Variants in PCDHGA6 observed in about 807,000 individuals in gnomAD.
PCDHGA6 encodes protocadherin gamma subfamily A, 6.
In PCDHGA6, 41 loss-of-function variants were observed where a neutral mutation model predicts 60.6. That is an observed-to-expected ratio of 0.68 (90% confidence interval 0.53 to 0.88). PCDHGA6 has a LOEUF of 0.88. PCDHGA6 is among the 40% of genes least tolerant of loss of function. PCDHGA6 has a pLI of 0.00. For missense variants in PCDHGA6, 1,312 were observed against 1,203.0 expected, an observed-to-expected ratio of 1.09 and a Z score of -1.34; for synonymous variants, 594 against 524.4, an observed-to-expected ratio of 1.13 and a Z score of -1.81.
intron 1 of PCDHGA6, chr5:141,415,367 CT>C (rs2095859649): frequency 6.2e-7 from 1 of 1,614,118 alleles, no homozygotes; most frequent in African/African-American, 1.3e-5. Flanking sequence ...CTGCTGCAGG[CT>C]TCAGGAGGCG....
intron 1 of PCDHGA6, among the ~76,000 whole-genome samples, chr5:141,435,715 A>T (rs528951395): frequency 5.9e-5 from 9 of 152,210 alleles, no homozygotes; most frequent in Non-Finnish European, 1.0e-4. Context: ...ACAGACACTG[A>T]ATGCTAAAGT....
intron 1 of PCDHGA6, chr5:141,427,959 C>A: frequency 1.3e-6 from 2 of 1,588,886 alleles, no homozygotes; most frequent in Non-Finnish European, 1.7e-6. Flanking sequence ...CAATGTGCCG[C>A]GGGTGCTGTA....
intron 1 of PCDHGA6, chr5:141,414,687 T>G: frequency 1.2e-6 from 2 of 1,614,004 alleles, no homozygotes; most frequent in East Asian, 4.5e-5. Flanking sequence ...AGGGGGTACC[T>G]CTGTCCTCAT....
Position 141,489,897 on chromosome 5 carries a change from C to G in PCDHGA6, c.2425-4910C>G. ...TGCTTACTGCTGTGGATGGGGGGAC[C>G]CCAGCCCGCTCAGGGACCACCCTTA... is the stretch of plus-strand genomic sequence containing the variant. On this transcript the variant is annotated intron_variant, in intron 1 of 3. Transcript: ENST00000517434. This position sits in a 1 kb window ranked among gnomAD's most constrained non-coding sequence, Gnocchi z 4.5. 1 of 1,614,162 alleles carries G rather than the reference C, an allele frequency of 6.2e-7. No individual in the cohort carries two copies. Among genetic ancestry groups the G allele is most frequent in the Non-Finnish European group, 8.5e-7 (1 of 1,180,016 alleles).
At chr5:141,484,620 C>G (rs536622819) in intron 1 of PCDHGA6, among the ~76,000 whole-genome samples, 25 of 151,974 alleles carry the variant, frequency 1.6e-4, no homozygotes, top group African/African-American at 6.0e-4. Flanking sequence ...ACAACACTGG[C>G]TTGAACAAAG....
chr5:141,476,306 C>T lies in PCDHGA6; in HGVS notation c.2425-18501C>T, dbSNP rs1011265476. The T allele has an allele frequency of 1.2e-6, 2 of 1,613,464 alleles. No homozygotes were observed. Among genetic ancestry groups the T allele is most frequent in the African/African-American group, 2.7e-5 (2 of 74,688 alleles). On this transcript the variant is annotated intron_variant, in intron 1 of 3. Transcript: ENST00000517434. The surrounding 1 kb of genome is among the most constrained non-coding windows in gnomAD (Gnocchi z 7.6). ...TTTGGATCTCGGTAGCCTCTCAGCCCGCAGGTTCCGGGTGGTGTCTGGAGC... is the reference window on the plus strand; with the variant it reads ...TTTGGATCTCGGTAGCCTCTCAGCCTGCAGGTTCCGGGTGGTGTCTGGAGC...
intron 1 of PCDHGA6, among the ~76,000 whole-genome samples, chr5:141,481,950 T>C (rs1378337886): frequency 2.7e-5 from 4 of 146,216 alleles, no homozygotes; most frequent in Admixed American, 1.4e-4. Flanking sequence ...CCAGATGTGG[T>C]GGCAGGTGCC....
At chr5:141,414,763 C>G in intron 1 of PCDHGA6, 1 of 1,614,258 alleles carries the variant, frequency 6.2e-7, no homozygotes, top group South Asian at 1.1e-5. Flanking sequence ...TGAGCAGTTT[C>G]ATGAGCTACA....
intron 1 of PCDHGA6, among the ~76,000 whole-genome samples, chr5:141,480,299 C>T: frequency 7.5e-6 from 1 of 132,466 alleles, no homozygotes; most frequent in Non-Finnish European, 1.6e-5. Flanking sequence ...CCTGTGGTAC[C>T]AGCTACTTGG....
At chr5:141,472,359 G>T (rs2099278248) in intron 1 of PCDHGA6, among the ~76,000 whole-genome samples, 1 of 151,944 alleles carries the variant, frequency 6.6e-6, no homozygotes, top group Admixed American at 6.6e-5. Flanking sequence ...GGCTAACACG[G>T]TGAAACCCCG....
chr5:141,510,986 G>A lies in PCDHGA6; in HGVS notation c.2612G>A (p.Gly871Asp), dbSNP rs754203270. The A allele has an allele frequency of 6.2e-7, 1 of 1,614,166 alleles. No individual in the cohort carries two copies. The highest frequency in any genetic ancestry group is 8.5e-7 in the Non-Finnish European group (1 of 1,180,012). The change falls in exon 4 of 4, where the codon GGC becomes GAC. Residue 871 changes from glycine to aspartate, a missense_variant. Physicochemically the swap from Gly to Asp is moderately conservative, Grantham distance 94. Transcript: ENST00000517434. ...DGSSTLGGGA[G>D]TMGLSARYGP... ...AGCTCCACCCTGGGAGGGGGTGCCG[G>A]CACCATGGGATTGAGCGCCCGCTAC... is the stretch of plus-strand genomic sequence containing the variant.
Position 141,511,380 on chromosome 5 carries a change from C to G in PCDHGA6, c.*207C>G. The G allele has an allele frequency of 7.7e-6, 9 of 1,170,490 alleles. No individual in the cohort carries two copies. The highest frequency in any genetic ancestry group is 1.1e-5 in the Non-Finnish European group (9 of 854,564). 72.5% of individuals were successfully genotyped at this position (1,170,490 alleles called of 1,614,324 possible). A position where few individuals can be genotyped will look rare whatever the true frequency, so the allele number is the denominator to read the frequency against. On this transcript the variant is annotated 3_prime_UTR_variant, in exon 4 of 4. Transcript: ENST00000517434. ...GGGGTTGAATATGCAAAAGCAGTTC[C>G]GCTGGGAACCCCCATCCAATCAACT...
Position 141,414,697 on chromosome 5 carries a change from T to A in PCDHGA6, c.2424+38190T>A, listed in dbSNP as rs748722995. The A allele has an allele frequency of 9.3e-6, 15 of 1,614,036 alleles. No homozygotes were observed. Among genetic ancestry groups the A allele is most frequent in the Non-Finnish European group, 1.3e-5 (15 of 1,179,930 alleles). ...CATCCAGGGGGTACCTCTGTCCTCA[T>A]ACATATCCATCAACTCAGACACTGG... is the stretch of plus-strand genomic sequence containing the variant. On this transcript the variant is annotated intron_variant, in intron 1 of 3. Transcript: ENST00000517434.
intron 1 of PCDHGA6, chr5:141,429,110 T>A (rs2097186231): frequency 6.6e-6 from 1 of 151,978 alleles, no homozygotes; most frequent in Non-Finnish European, 1.5e-5. Context: ...CGCCTCGGCC[T>A]CCCAAAGTGC....
intron 3 of PCDHGA6, among the ~76,000 whole-genome samples, chr5:141,506,485 A>C (rs2154593953): frequency 6.6e-6 from 1 of 150,572 alleles, no homozygotes; most frequent in East Asian, 2.0e-4. Flanking sequence ...CTTTAGAGGC[A>C]GGCCAATCTG....
chr5:141,458,888 T>C (rs756640295), intron 1 of PCDHGA6, among the ~76,000 whole-genome samples: 3 of 152,118 alleles, frequency 2.0e-5, no homozygotes, highest in Non-Finnish European at 2.9e-5. Flanking sequence ...ATGCACACCA[T>C]GCGCAGCTAA....
chr5:141,375,970 G>C lies in PCDHGA6; in HGVS notation c.1887G>C (p.Ala629=). ...TGCACACGGGCGAGGTGCGCACGGC[G>C]CGCGCCCTGCTGGACAGAGACGCGC... ...VGLHTGEVRT[A]RALLDRDALK... is the part of the protein sequence containing the mutation. Residue 629 remains alanine (A), a synonymous_variant, in exon 1 of 4, where the codon GCG becomes GCC. Coordinates refer to ENST00000517434, the MANE Select transcript of PCDHGA6 (RefSeq NM_018919.3). The C allele has an allele frequency of 1.2e-6, 2 of 1,613,334 alleles. No individual in the cohort carries two copies. The highest frequency in any genetic ancestry group is 1.7e-6 in the Non-Finnish European group (2 of 1,179,872).
At position 141,403,188 on chromosome 5, in the gene PCDHGA6, C is replaced by T. The variant is rs763950254; in HGVS notation, c.2424+26681C>T. ...AGGACGCAGCTTTTCTCTCTGAACCCGCGCAGCGGCACCTTGGTCACCGCG... is the reference window on the plus strand; with the variant it reads ...AGGACGCAGCTTTTCTCTCTGAACCTGCGCAGCGGCACCTTGGTCACCGCG... On this transcript the variant is annotated intron_variant, in intron 1 of 3. Coordinates refer to ENST00000517434, the MANE Select transcript of PCDHGA6 (RefSeq NM_018919.3). 5 of 1,613,850 alleles carry T rather than the reference C, an allele frequency of 3.1e-6. No individual in the cohort carries two copies. The African/African-American group carries it at 4.0e-5, about 13-fold the overall frequency.
At chr5:141,426,538 C>T (rs1038881219) in intron 1 of PCDHGA6, 2 of 346,308 alleles carry the variant, frequency 5.8e-6, no homozygotes, top group Non-Finnish European at 1.2e-5. Context: ...TGGGAACATA[C>T]TTGTGAGTGA....
Sources: gnomAD v4.1 joint callset for allele counts (sites outside exome capture counted in the v4.1 genomes callset) on GRCh38, gnomAD v4.1.1 for gene constraint, Gnocchi (gnomAD v3.1) non-coding constraint, MANE v1.5 for transcripts, NCBI Gene and HGNC (gene_info 2026-07-23, HGNC 2026-07-21) for gene names.